Variants in RBFOX1 observed in about 807,000 individuals in gnomAD.
RBFOX1 encodes RNA binding protein fox-1 homolog 1.
In RBFOX1, 8 loss-of-function variants were observed where a neutral mutation model predicts 57.7. That is an observed-to-expected ratio of 0.14 (90% CI 0.08 to 0.25). RBFOX1 has a LOEUF of 0.25. Ranked by LOEUF, RBFOX1 falls within the 10% of genes least tolerant of loss-of-function variation. RBFOX1 has a pLI of 1.00. For missense variants in RBFOX1, 611 were observed against 548.5 expected, an observed-to-expected ratio of 1.11 and a Z score of -1.14; for synonymous variants, 326 against 222.4, an observed-to-expected ratio of 1.47 and a Z score of -4.15.
At chr16:7,425,882 T>C (rs1460877153) in intron 4 of RBFOX1, among the ~76,000 whole-genome samples, 1 of 152,220 alleles carries the variant, frequency 6.6e-6, no homozygotes, top group African/African-American at 2.4e-5. Flanking sequence ...CAAACAGTGA[T>C]AAACGAAATG....
chr16:6,285,739 C>T (rs2076839381), intron 1 of RBFOX1, among the ~76,000 whole-genome samples: 2 of 152,224 alleles, frequency 1.3e-5, no homozygotes, highest in South Asian at 4.1e-4. Flanking sequence ...TGTTGGTAAC[C>T]TCAGAGGAGA....
In RBFOX1 at chr16:6,936,024, G is replaced by A. The variant is rs559078559; in HGVS notation, c.-15-116033G>A. ...ATGAGCTAAGTTTGGATAATGGCAAGAGGGTTTCTTCTCAATGCGCAAGAG... is the reference window on the plus strand; with the variant it reads ...ATGAGCTAAGTTTGGATAATGGCAAAAGGGTTTCTTCTCAATGCGCAAGAG... On this transcript the variant is annotated intron_variant, in intron 3 of 15. Coordinates refer to ENST00000550418, the MANE Select transcript of RBFOX1 (RefSeq NM_018723.4). Among the ~76,000 whole-genome samples, 362 of 152,304 alleles carry A rather than the reference G, an allele frequency of 2.4e-3. 4 individuals carry two copies. The highest frequency in any genetic ancestry group is 8.5e-3 in the African/African-American group (352 of 41,566).
intron 1 of RBFOX1, among the ~76,000 whole-genome samples, chr16:5,272,571 G>A (rs1672314689): frequency 6.6e-6 from 1 of 152,134 alleles, no homozygotes; most frequent in Non-Finnish European, 1.5e-5. Flanking sequence ...TGCCTCTACC[G>A]ATACCCCACT....
intron 1 of RBFOX1, among the ~76,000 whole-genome samples, chr16:5,360,343 C>T (rs190513575): frequency 1.8e-4 from 28 of 152,318 alleles, no homozygotes; most frequent in Admixed American, 1.0e-3. Flanking sequence ...AGTATATCAG[C>T]GCCAGGCAGC....
chr16:5,496,358 C>T (rs962591055), intron 2 of RBFOX1, among the ~76,000 whole-genome samples: 1 of 152,136 alleles, frequency 6.6e-6, no homozygotes, highest in Non-Finnish European at 1.5e-5. Flanking sequence ...TCCCTTAGCC[C>T]TCCTGTACCA....
intron 3 of RBFOX1, among the ~76,000 whole-genome samples, chr16:6,917,833 G>A (rs914568025): frequency 2.6e-5 from 4 of 152,122 alleles, no homozygotes; most frequent in African/African-American, 7.2e-5. Context: ...GGCCCTGGGG[G>A]AGACATCATC....
chr16:6,119,016 T>G (rs1340006807), intron 1 of RBFOX1, among the ~76,000 whole-genome samples: 6 of 149,380 alleles, frequency 4.0e-5, no homozygotes, highest in Non-Finnish European at 6.0e-5. Context: ...TTCCTCAGGT[T>G]TTTTTTTTTT....
At chr16:5,915,917 T>G (rs1422845877) in intron 4 of RBFOX1, among the ~76,000 whole-genome samples, 1 of 152,162 alleles carries the variant, frequency 6.6e-6, no homozygotes, top group African/African-American at 2.4e-5. Flanking sequence ...TTCATGATGA[T>G]CACATTGGGA....
chr16:7,134,286 A>G (rs2071312623), intron 4 of RBFOX1, among the ~76,000 whole-genome samples: 1 of 152,140 alleles, frequency 6.6e-6, no homozygotes, highest in African/African-American at 2.4e-5. Context: ...GGGATATGAC[A>G]TTTTGCTGTG....
chr16:7,215,349 C>G (rs905922496), intron 4 of RBFOX1, among the ~76,000 whole-genome samples: 2 of 152,178 alleles, frequency 1.3e-5, no homozygotes, highest in African/African-American at 2.4e-5. Context: ...AATCATTCTT[C>G]TATAAAGACA....
chr16:5,269,884 G>A (rs1031089103), intron 1 of RBFOX1, among the ~76,000 whole-genome samples: 3 of 152,210 alleles, frequency 2.0e-5, no homozygotes, highest in Non-Finnish European at 4.4e-5. Flanking sequence ...GCTGGGCATG[G>A]TGGCTCACAC....
intron 2 of RBFOX1, among the ~76,000 whole-genome samples, chr16:6,652,060 G>A (rs1389265453): frequency 2.0e-5 from 3 of 152,300 alleles, no homozygotes; most frequent in Admixed American, 6.5e-5. Flanking sequence ...AACTTCCAAT[G>A]TGATTGTGTT....
chr16:5,747,800 A>G (rs559797875), intron 3 of RBFOX1, among the ~76,000 whole-genome samples: 14 of 152,064 alleles, frequency 9.2e-5, no homozygotes, highest in Middle Eastern at 3.4e-3. Context: ...TGGTCTATCA[A>G]TTTTGTTGAT....
intron 4 of RBFOX1, among the ~76,000 whole-genome samples, chr16:7,187,004 A>C (rs1466475438): frequency 4.7e-5 from 7 of 150,052 alleles, no homozygotes; most frequent in African/African-American, 1.7e-4. Flanking sequence ...CAAAAAAAAA[A>C]AAAAAAAAAA....
At chr16:5,962,259 C>T (rs1486635652) in intron 4 of RBFOX1, among the ~76,000 whole-genome samples, 1 of 152,192 alleles carries the variant, frequency 6.6e-6, no homozygotes, top group Non-Finnish European at 1.5e-5. Flanking sequence ...CAAGCCTGAG[C>T]TATTACAGTA....
chr16:5,658,537 C>G (rs1040380464), intron 3 of RBFOX1, among the ~76,000 whole-genome samples: 2 of 152,078 alleles, frequency 1.3e-5, no homozygotes, highest in African/African-American at 2.4e-5. Flanking sequence ...CATTCGTTCT[C>G]TGGGTATTAC....
At chr16:6,809,574 C>A (rs538899212) in intron 3 of RBFOX1, among the ~76,000 whole-genome samples, 1 of 152,088 alleles carries the variant, frequency 6.6e-6, no homozygotes, top group African/African-American at 2.4e-5. Flanking sequence ...TATATGAAGC[C>A]TTCAACCAAA....
chr16:6,352,534 C>A (rs775123034), intron 2 of RBFOX1, among the ~76,000 whole-genome samples: 84 of 152,014 alleles, frequency 5.5e-4, no homozygotes, highest in Non-Finnish European at 1.0e-3. Context: ...GCCCAGGGAA[C>A]AAAGGAGGGC....
chr16:7,606,158 G>A (rs564550606), intron 9 of RBFOX1, among the ~76,000 whole-genome samples: 2 of 131,174 alleles, frequency 1.5e-5, no homozygotes, highest in Non-Finnish European at 3.1e-5. Context: ...GTCTCACACT[G>A]TCACCTGGGC....
Sources: gnomAD v4.1 joint callset for allele counts (sites outside exome capture counted in the v4.1 genomes callset) on GRCh38, gnomAD v4.1.1 for gene constraint, MANE v1.5 for transcripts, NCBI Gene and HGNC (gene_info 2026-07-23, HGNC 2026-07-21) for gene names.